Variants in SYN3 observed in about 807,000 individuals in gnomAD.
SYN3 encodes the protein synapsin III.
In SYN3, 35 loss-of-function variants were observed where a neutral mutation model predicts 65.8. The observed-to-expected ratio is 0.53, with a 90% CI of 0.41 to 0.70. The LOEUF (loss-of-function observed/expected upper bound fraction) is 0.70. Among genes scored for constraint, SYN3 ranks in the 30% least tolerant of loss-of-function variants. SYN3 has a pLI of 0.00. For missense variants in SYN3, 680 were observed against 749.0 expected, an observed-to-expected ratio of 0.91 and a Z score of 1.08; for synonymous variants, 270 against 292.9, an observed-to-expected ratio of 0.92 and a Z score of 0.80.
chr22:32,842,387 C>G (rs935572088), intron 6 of SYN3, among the ~76,000 whole-genome samples: 2 of 152,138 alleles, frequency 1.3e-5, no homozygotes, highest in Admixed American at 1.3e-4. Flanking sequence ...GCCCTTTCCT[C>G]TCACCTAGAC....
chr22:32,606,810 T>C (rs1053955890), intron 6 of SYN3, among the ~76,000 whole-genome samples: 10 of 137,006 alleles, frequency 7.3e-5, no homozygotes, highest in Non-Finnish European at 1.6e-4. Context: ...TTTTTATTTT[T>C]TATTTTTTTA....
At chr22:32,822,193 G>T (rs1011486511) in intron 6 of SYN3, among the ~76,000 whole-genome samples, 1 of 149,934 alleles carries the variant, frequency 6.7e-6, no homozygotes, top group Non-Finnish European at 1.5e-5. Context: ...AGCTCTGTCT[G>T]TCTGTCCTTT....
At chr22:32,959,778 G>T (rs1006225929) in intron 3 of SYN3, among the ~76,000 whole-genome samples, 2 of 151,940 alleles carry the variant, frequency 1.3e-5, no homozygotes, top group African/African-American at 2.4e-5. Flanking sequence ...AAATTTTTTT[G>T]TAAAGATCTC....
rs1212874697 is a variant in SYN3 at position 32,835,158 on chromosome 22, G to A, written c.711+29757C>T. ...AATGTTGCAGCTAATTGCACATACT[G>A]GGTGACAGAGTGCACAGTAGAGAAA... On this transcript the variant is annotated intron_variant, in intron 6 of 13. Transcript: ENST00000358763. Among the ~76,000 whole-genome samples the A allele has an allele frequency of 2.0e-5, 3 of 152,294 alleles. No individual in the cohort carries two copies. The East Asian group carries it at 5.8e-4, about 29-fold the overall frequency.
intron 4 of SYN3, among the ~76,000 whole-genome samples, chr22:32,877,325 C>T (rs1279300023): frequency 6.6e-6 from 1 of 152,200 alleles, no homozygotes; most frequent in Non-Finnish European, 1.5e-5. Context: ...ACAAGGAAAA[C>T]CTACCATGAA....
chr22:32,667,959 A>G (rs2060313014), intron 6 of SYN3, among the ~76,000 whole-genome samples: 1 of 150,642 alleles, frequency 6.6e-6, no homozygotes, highest in Non-Finnish European at 1.5e-5. Context: ...GTGCCCAGCT[A>G]ATTTTTTTGT....
intron 3 of SYN3, among the ~76,000 whole-genome samples, chr22:32,951,462 A>G (rs1240605887): frequency 6.6e-6 from 1 of 152,128 alleles, no homozygotes; most frequent in Admixed American, 6.5e-5. Context: ...TCAATTAACT[A>G]TTCAATGGTC....
chr22:32,975,268 A>G (rs1324924649), intron 3 of SYN3, among the ~76,000 whole-genome samples: 1 of 151,854 alleles, frequency 6.6e-6, no homozygotes, highest in Admixed American at 6.6e-5. Flanking sequence ...TCAGCTGCTC[A>G]GGAGGCTGAG....
intron 6 of SYN3, among the ~76,000 whole-genome samples, chr22:32,693,475 G>A (rs998137764): frequency 5.9e-5 from 9 of 152,060 alleles, no homozygotes; most frequent in Non-Finnish European, 1.0e-4. Context: ...TTTGAACTGA[G>A]ATTGAGCTCT....
At chr22:32,663,390 C>T in intron 6 of SYN3, among the ~76,000 whole-genome samples, 1 of 151,810 alleles carries the variant, frequency 6.6e-6, no homozygotes. Flanking sequence ...GCTCCGCCTC[C>T]CGGGTTCACG....
intron 4 of SYN3, among the ~76,000 whole-genome samples, chr22:32,888,095 A>G (rs939200388): frequency 6.6e-6 from 1 of 152,140 alleles, no homozygotes; most frequent in Admixed American, 6.5e-5. Context: ...ATATCATTTC[A>G]CATGCTTGTT....
chr22:32,598,030 G>T (rs894958258), intron 6 of SYN3, among the ~76,000 whole-genome samples: 1 of 152,096 alleles, frequency 6.6e-6, no homozygotes, highest in African/African-American at 2.4e-5. Context: ...TTTGCATTGC[G>T]TGAGGGCAAA....
At chr22:32,823,908 C>T (rs1246464810) in intron 6 of SYN3, among the ~76,000 whole-genome samples, 1 of 152,068 alleles carries the variant, frequency 6.6e-6, no homozygotes, top group African/African-American at 2.4e-5. Context: ...CTTTTGACAC[C>T]TATATGTCTA....
At chr22:33,030,640 T>TTA (rs1191137129) in intron 1 of SYN3, among the ~76,000 whole-genome samples, 1 of 138,164 alleles carries the variant, frequency 7.2e-6, no homozygotes, top group Non-Finnish European at 1.6e-5. Flanking sequence ...CAGAGAAACT[T>TTA]ATATAGAGAC....
intron 2 of SYN3, among the ~76,000 whole-genome samples, chr22:32,992,039 G>A (rs559774433): frequency 2.6e-5 from 4 of 152,178 alleles, no homozygotes; most frequent in African/African-American, 9.7e-5. Context: ...AAGAAGACCC[G>A]TGCATCCGAG....
At chr22:32,720,432 T>A (rs2061100635) in intron 6 of SYN3, among the ~76,000 whole-genome samples, 1 of 152,232 alleles carries the variant, frequency 6.6e-6, no homozygotes, top group South Asian at 2.1e-4. Flanking sequence ...TGCTCAGAAA[T>A]GCCCAAGTGA....
intron 2 of SYN3, among the ~76,000 whole-genome samples, chr22:32,982,384 CCT>C (rs1390656878): frequency 1.3e-5 from 2 of 152,092 alleles, no homozygotes; most frequent in Non-Finnish European, 2.9e-5. Flanking sequence ...TACATCCCTG[CCT>C]CTGTCTTCCC....
At chr22:32,882,706 A>G (rs1050964423) in intron 4 of SYN3, among the ~76,000 whole-genome samples, 1 of 148,374 alleles carries the variant, frequency 6.7e-6, no homozygotes, top group African/African-American at 2.4e-5. Context: ...TAGCCTTAAA[A>G]TAGTTCAGAA....
intron 6 of SYN3, among the ~76,000 whole-genome samples, chr22:32,848,575 C>G (rs2048133534): frequency 6.6e-6 from 1 of 152,080 alleles, no homozygotes; most frequent in Non-Finnish European, 1.5e-5. Context: ...ATGGTTAGCC[C>G]ATTTCATTTT....
Sources: allele counts gnomAD v4.1 joint callset (sites outside exome capture counted in the v4.1 genomes callset), GRCh38; gene constraint gnomAD v4.1.1; transcripts MANE v1.5; gene names NCBI Gene and HGNC (gene_info 2026-07-23, HGNC 2026-07-21).